Variants in ATP1B3 observed in about 807,000 individuals in gnomAD.
The protein encoded by ATP1B3 is sodium/potassium-transporting ATPase subunit beta-3.
A neutral mutation model predicts 30.2 loss-of-function variants in ATP1B3; 10 were observed. The ratio of observed to expected loss-of-function variants is 0.33; its 90% CI spans 0.20 to 0.56. ATP1B3 has a LOEUF of 0.56. ATP1B3 is among the 20% of genes least tolerant of loss of function. ATP1B3 has a pLI of 0.90. For missense variants in ATP1B3, 238 were observed against 336.7 expected, an observed-to-expected ratio of 0.71 and a Z score of 2.29; for synonymous variants, 113 against 117.0, an observed-to-expected ratio of 0.97 and a Z score of 0.22.
At chr3:141,916,905 G>C (rs79858421) in intron 5 of ATP1B3, among the ~76,000 whole-genome samples, 3,575 of 151,634 alleles carry the variant, frequency 0.024, 137 homozygotes, top group African/African-American at 0.081. Flanking sequence ...TCACTCTGTC[G>C]CCTGGGCTGG....
chr3:141,924,512 G>T (rs1282580737), intron 6 of ATP1B3, among the ~76,000 whole-genome samples: 2 of 152,090 alleles, frequency 1.3e-5, no homozygotes, highest in Non-Finnish European at 2.9e-5. Context: ...AGCTGGGTAT[G>T]GTGGTGGGCA....
At chr3:141,912,722 G>A (rs1202232711) in intron 3 of ATP1B3, among the ~76,000 whole-genome samples, 1 of 152,176 alleles carries the variant, frequency 6.6e-6, no homozygotes, top group Non-Finnish European at 1.5e-5. Flanking sequence ...CATCAGGCTT[G>A]CTCACTTTGT....
intron 1 of ATP1B3, among the ~76,000 whole-genome samples, chr3:141,878,159 T>G (rs141594087): frequency 6.6e-6 from 1 of 152,208 alleles, no homozygotes; most frequent in African/African-American, 2.4e-5. Context: ...CCAGAGAGGT[T>G]GTGATTTTTG....
At chr3:141,902,094 T>C in intron 1 of ATP1B3, 1 of 1,264,538 alleles carries the variant, frequency 7.9e-7, no homozygotes, top group South Asian at 1.2e-5. Flanking sequence ...TATAGCAAAC[T>C]GTTTACTTCT....
chr3:141,918,247 T>G (rs1287803020), intron 5 of ATP1B3: 1 of 152,188 alleles, frequency 6.6e-6, no homozygotes, highest in Admixed American at 6.5e-5. Flanking sequence ...GGTGCTAGGC[T>G]TCAGCTGGGT....
intron 6 of ATP1B3, among the ~76,000 whole-genome samples, chr3:141,922,375 G>A (rs143333449): frequency 2.0e-3 from 303 of 151,534 alleles, no homozygotes; most frequent in Non-Finnish European, 3.4e-3. Context: ...AATCAAGGCC[G>A]GGTGCGGTGG....
intron 3 of ATP1B3, 107 bp from the exon 4 acceptor site, chr3:141,913,545 A>G (rs1458486606): frequency 6.4e-6 from 6 of 935,080 alleles, no homozygotes; most frequent in Non-Finnish European, 3.1e-6. Flanking sequence ...GGTAATTTAC[A>G]TTGCTGTTTT....
intron 2 of ATP1B3, among the ~76,000 whole-genome samples, chr3:141,905,962 T>C (rs1559870624): frequency 6.6e-6 from 1 of 152,020 alleles, no homozygotes; most frequent in East Asian, 1.9e-4. Flanking sequence ...ATAATACATA[T>C]ATATTACATA....
chr3:141,887,689 A>G (rs975687583), intron 1 of ATP1B3, among the ~76,000 whole-genome samples: 1 of 152,206 alleles, frequency 6.6e-6, no homozygotes, highest in Admixed American at 6.5e-5. Context: ...CGATAGATAA[A>G]CTTGCATGTC....
intron 4 of ATP1B3, among the ~76,000 whole-genome samples, chr3:141,915,219 G>C (rs553394525): frequency 6.6e-6 from 1 of 152,184 alleles, no homozygotes; most frequent in Non-Finnish European, 1.5e-5. Flanking sequence ...GCATGGCTTT[G>C]TCAGGAGGAC....
At chr3:141,910,318 C>T (rs1371699669) in intron 3 of ATP1B3, among the ~76,000 whole-genome samples, 1 of 152,140 alleles carries the variant, frequency 6.6e-6, no homozygotes, top group Non-Finnish European at 1.5e-5. Context: ...TGCTTCTGAA[C>T]TTTTTCTTAC....
intron 5 of ATP1B3, among the ~76,000 whole-genome samples, chr3:141,920,382 C>G (rs1209632223): frequency 2.0e-5 from 3 of 152,076 alleles, no homozygotes; most frequent in Non-Finnish European, 2.9e-5. Flanking sequence ...CAAAAATCAG[C>G]CCTGCATGGT....
intron 1 of ATP1B3, among the ~76,000 whole-genome samples, chr3:141,895,098 T>C: frequency 6.6e-6 from 1 of 151,990 alleles, no homozygotes; most frequent in Middle Eastern, 3.2e-3. Context: ...TGTCTGTATG[T>C]GGAATCATGC....
intron 3 of ATP1B3, among the ~76,000 whole-genome samples, chr3:141,908,165 A>AT (rs1934296484): frequency 1.3e-5 from 2 of 150,194 alleles, no homozygotes; most frequent in African/African-American, 4.9e-5. Flanking sequence ...GGGATGGGAA[A>AT]TTATGTTTAT....
At chr3:141,916,660 T>C (rs1934470205) in intron 5 of ATP1B3, 4 of 978,380 alleles carry the variant, frequency 4.1e-6, no homozygotes, top group Non-Finnish European at 4.1e-6. Context: ...GGCAGAAATA[T>C]TTTACTTAGA....
At chr3:141,881,064 ATGGTGG>A (rs1933714409) in intron 1 of ATP1B3, among the ~76,000 whole-genome samples, 3 of 152,108 alleles carry the variant, frequency 2.0e-5, no homozygotes, top group Non-Finnish European at 2.9e-5. Context: ...TTAGCCCGGC[ATGGTGG>A]CGGGTGCCTG....
At chr3:141,898,494 G>GA (rs1247026334) in intron 1 of ATP1B3, among the ~76,000 whole-genome samples, 1 of 152,066 alleles carries the variant, frequency 6.6e-6, no homozygotes, top group Non-Finnish European at 1.5e-5. Context: ...ATGAGTTTAT[G>GA]AAAAAATGCC....
intron 1 of ATP1B3, among the ~76,000 whole-genome samples, chr3:141,889,183 C>T (rs941430694): frequency 1.3e-5 from 2 of 152,124 alleles, no homozygotes; most frequent in African/African-American, 4.8e-5. Context: ...GATTCAGTCA[C>T]CTCCCACCAG....
intron 1 of ATP1B3, among the ~76,000 whole-genome samples, chr3:141,901,901 C>G (rs1934169100): frequency 6.6e-6 from 1 of 152,194 alleles, no homozygotes; most frequent in African/African-American, 2.4e-5. Context: ...TGGCCCCAGT[C>G]TGCCTATTTT....
Sources: allele counts gnomAD v4.1 joint callset (sites outside exome capture counted in the v4.1 genomes callset), GRCh38; gene constraint gnomAD v4.1.1; transcripts MANE v1.5; gene names NCBI Gene and HGNC (gene_info 2026-07-23, HGNC 2026-07-21).